The following SPO11 variants were observed in gnomAD, a reference collection of about 807,000 sequenced individuals.
SPO11 encodes the protein SPO11 initiator of meiotic double strand breaks, also known as meiotic recombination protein SPO11.
A neutral mutation model predicts 51.6 loss-of-function variants in SPO11; 49 were observed. The observed-to-expected ratio is 0.95, with a 90% CI of 0.75 to 1.20. SPO11 has a LOEUF of 1.20. SPO11 is among the 50% of genes most tolerant of loss of function. The pLI, the probability that SPO11 is intolerant of heterozygous loss-of-function variation, is 0.00. For synonymous variants in SPO11, 176 were observed against 158.2 expected (o/e 1.11, Z -0.84); for missense variants, 431 against 473.4 (o/e 0.91, Z 0.83).
At chr20:57,336,894 C>A (rs1238905344) in intron 8 of SPO11, among the ~76,000 whole-genome samples, 1 of 152,122 alleles carries the variant, frequency 6.6e-6, no homozygotes, top group African/African-American at 2.4e-5. Flanking sequence ...GAGGTAGGTA[C>A]TAACATCATC....
chr20:57,336,210 T>C (rs1245533884), intron 8 of SPO11, among the ~76,000 whole-genome samples: 2 of 152,140 alleles, frequency 1.3e-5, no homozygotes, highest in African/African-American at 4.8e-5. Flanking sequence ...ACTCAAAAGC[T>C]TTCTTCCTTG....
chr20:57,342,509 T>TC (rs2066594907), intron 11 of SPO11, among the ~76,000 whole-genome samples: 1 of 152,232 alleles, frequency 6.6e-6, no homozygotes, highest in Non-Finnish European at 1.5e-5. Flanking sequence ...ACAAAAACTT[T>TC]AGAATCTTAC....
chr20:57,337,686 T>A, intron 8 of SPO11: 1 of 1,174,112 alleles, frequency 8.5e-7, no homozygotes, highest in Non-Finnish European at 1.1e-6. Context: ...AGGACTGGCA[T>A]AATTCCCAGT....
intron 11 of SPO11, among the ~76,000 whole-genome samples, chr20:57,340,611 A>G (rs1016380453): frequency 3.3e-5 from 5 of 152,040 alleles, no homozygotes; most frequent in African/African-American, 1.2e-4. Flanking sequence ...TAAAAATGCA[A>G]ACATTAGCTG....
chr20:57,339,344 C>G (rs1187843801), intron 10 of SPO11, among the ~76,000 whole-genome samples: 1 of 152,080 alleles, frequency 6.6e-6, no homozygotes, highest in South Asian at 2.1e-4. Context: ...CAAATATACT[C>G]GAAATATTAT....
rs147634675 is a variant in SPO11 at position 57,339,382 on chromosome 20, A to C, written c.882+356A>C. On this transcript the variant is annotated intron_variant, in intron 10 of 12. Coordinates refer to ENST00000371263, the MANE Select transcript of SPO11 (RefSeq NM_012444.3). ...AGAGCCTTGAATTCTGACTTTTCTA[A>C]TCCCTTTTCTCCCACCATAAGGAGA... is the stretch of plus-strand genomic sequence containing the variant. 1.2e-4 allele frequency among the ~76,000 whole-genome samples: 19 copies of C among 152,270 alleles called. No individual in the cohort carries two copies. The East Asian group carries it at 3.3e-3, about 26-fold the overall frequency.
At chr20:57,330,375 T>A (rs567231719) in intron 1 of SPO11, among the ~76,000 whole-genome samples, 1 of 151,688 alleles carries the variant, frequency 6.6e-6, no homozygotes, top group Non-Finnish European at 1.5e-5. Flanking sequence ...ACTTTAAGGG[T>A]TTTTTTTGGT....
chr20:57,333,895 C>T (rs113245162), intron 4 of SPO11, 92 bp from the exon 5 acceptor site: 2 of 923,282 alleles, frequency 2.2e-6, no homozygotes, highest in Non-Finnish European at 3.2e-6. Flanking sequence ...GTGTTTTCAT[C>T]CAGTTAAAGC....
At chr20:57,332,529 T>TA (rs2066462653) in intron 2 of SPO11, among the ~76,000 whole-genome samples, 1 of 152,230 alleles carries the variant, frequency 6.6e-6, no homozygotes, top group Non-Finnish European at 1.5e-5. Flanking sequence ...TTTTAAGAGA[T>TA]ACAGAAACAA....
rs542716214 is a variant in SPO11, at chr20:57,331,463, T to G, written c.132-370T>G. On this transcript the variant is annotated intron_variant, in intron 1 of 12. Transcript: ENST00000371263. ...ACATATATCAGTAGTATGTCAAGTC[T>G]AGTTTGTATTCAAGTTCAGCTAGAT... is the stretch of plus-strand genomic sequence containing the variant. 3.9e-5 allele frequency among the ~76,000 whole-genome samples: 6 copies of G among 152,362 alleles called. No homozygotes were observed. In the South Asian group the frequency reaches 1.0e-3, roughly 26 times the overall value.
At chr20:57,334,642 A>T in intron 5 of SPO11, 108 bp from the exon 6 acceptor site, 4 of 751,950 alleles carry the variant, frequency 5.3e-6, no homozygotes, top group Non-Finnish European at 8.4e-6. Flanking sequence ...CTGAAATTTC[A>T]ATCCAAGTGA....
intron 5 of SPO11, 62 bp from the exon 6 acceptor site, chr20:57,334,688 G>T: frequency 1.5e-6 from 2 of 1,348,882 alleles, no homozygotes; most frequent in South Asian, 2.5e-5. Context: ...CACAAGGAGT[G>T]ACTTAATAGC....
Position 57,329,993 on chromosome 20 carries a change from C to G in SPO11, c.126C>G (p.Ala42=), listed in dbSNP as rs754279151. Reference sequence around the variant, plus strand: ...CCCCAACTGGGGGAAGCCGCCTGGCCTCCAGGTACAGGAGCTGGTGCCGAG... The same window carrying G: ...CCCCAACTGGGGGAAGCCGCCTGGCGTCCAGGTACAGGAGCTGGTGCCGAG... The part of the protein sequence containing the change: ...REPPTGGSRL[A]SSSEVLASIE... Residue 42 remains alanine, a synonymous_variant, in exon 1 of 13, where the codon GCC becomes GCG. Transcript: ENST00000371263. 6.3e-7 allele frequency: 1 copy of G among 1,597,950 alleles called. No individual in the cohort carries two copies. The highest frequency in any genetic ancestry group is 1.7e-5 in the Admixed American group (1 of 57,908).
chr20:57,337,391 CAT>C (rs1274601155), intron 8 of SPO11, among the ~76,000 whole-genome samples: 3 of 152,114 alleles, frequency 2.0e-5, no homozygotes, highest in Non-Finnish European at 4.4e-5. Context: ...ATAATAATCT[CAT>C]ATGTTGTTAC....
Position 57,329,976 on chromosome 20 carries a change from G to C in SPO11, c.109G>C (p.Gly37Arg), listed in dbSNP as rs1461470810. The C allele has an allele frequency of 1.9e-6, 3 of 1,606,464 alleles. No individual in the cohort carries two copies. The highest frequency in any genetic ancestry group is 2.5e-6 in the Non-Finnish European group (3 of 1,177,498). The change falls in exon 1 of 13, where the codon GGG (glycine) becomes CGG (arginine). Residue 37 changes from glycine to arginine, a missense_variant. This residue lies in a region of SPO11 where 405 missense variants were observed against 425.9 expected (regional missense o/e 0.95). Coordinates refer to ENST00000371263, the MANE Select transcript of SPO11 (RefSeq NM_012444.3). Reference protein sequence around the residue: ...LRRGGREPPTGGSRLASSSEV... With the variant: ...LRRGGREPPTRGSRLASSSEV... Reference sequence around the variant, plus strand: ...GAGAGGTGGCAGGGAGCCCCCAACTGGGGGAAGCCGCCTGGCCTCCAGGTA... The same window carrying C: ...GAGAGGTGGCAGGGAGCCCCCAACTCGGGGAAGCCGCCTGGCCTCCAGGTA...
rs772557615 is a variant in SPO11, at chr20:57,337,724, A to T, written c.745-552A>T. The T allele has an allele frequency of 7.8e-6, 10 of 1,282,520 alleles. No individual in the cohort carries two copies. The East Asian group carries it at 5.1e-4, about 65-fold the overall frequency. 79.4% of individuals were successfully genotyped at this position (1,282,520 alleles called of 1,614,324 possible). A position where few individuals can be genotyped will look rare whatever the true frequency, so the allele number is the denominator to read the frequency against. On this transcript the variant is annotated intron_variant, in intron 8 of 12. Transcript: ENST00000371263. ...TTCAGTCTGTTTGTATATAATGTAC[A>T]TTTTTTTTTCACAGTCAACACCAGT...
At chr20:57,335,075 T>C (rs535286538) in intron 6 of SPO11, among the ~76,000 whole-genome samples, 1 of 152,378 alleles carries the variant, frequency 6.6e-6, no homozygotes, top group African/African-American at 2.4e-5. Context: ...TGCACTATTA[T>C]TTTCAGATAA....
At chr20:57,337,711 G>T in intron 8 of SPO11, 1 of 1,291,184 alleles carries the variant, frequency 7.7e-7, no homozygotes, top group South Asian at 1.2e-5. Context: ...CAGTCTGTTT[G>T]TATATAATGT....
At position 57,329,879 on chromosome 20, in the gene SPO11, A is replaced by G. The variant is rs2066421195; in HGVS notation, c.12A>G (p.Ala4=). 6.2e-7 allele frequency: 1 copy of G among 1,613,432 alleles called. No individual in the cohort carries two copies. Among genetic ancestry groups the G allele is most frequent in the African/African-American group, 1.3e-5 (1 of 74,932 alleles). MAF[A]PMGPEASFFD... is the part of the protein sequence containing the mutation. ...AGCCGTCTGCCCTCATGGCCTTTGCACCTATGGGGCCCGAGGCCTCGTTCT... is the reference window on the plus strand; with the variant it reads ...AGCCGTCTGCCCTCATGGCCTTTGCGCCTATGGGGCCCGAGGCCTCGTTCT... Residue 4 remains alanine (A), a synonymous_variant, in exon 1 of 13, where the codon GCA becomes GCG. Coordinates refer to ENST00000371263, the MANE Select transcript of SPO11 (RefSeq NM_012444.3).
Sources: allele counts gnomAD v4.1 joint callset (sites outside exome capture counted in the v4.1 genomes callset), GRCh38; gene constraint gnomAD v4.1.1; regional missense constraint gnomAD v4.1.1; transcripts MANE v1.5; gene names NCBI Gene and HGNC (gene_info 2026-07-23, HGNC 2026-07-21).